ARHGAP10: variants seen among roughly 807,000 people sequenced by gnomAD.
The protein encoded by ARHGAP10 is Rho GTPase activating protein 10.
Under a neutral mutation model 108.6 loss-of-function variants are expected in ARHGAP10, and 87 were observed. The observed-to-expected ratio is 0.80, with a 90% CI of 0.67 to 0.96. The LOEUF is 0.96. Ranked by LOEUF, ARHGAP10 falls within the 40% of genes least tolerant of loss-of-function variation. ARHGAP10 has a pLI of 0.00. For missense variants in ARHGAP10, 939 were observed against 954.5 expected (o/e 0.98, Z 0.21); for synonymous variants, 347 against 341.1 (o/e 1.02, Z -0.19).
intron 10 of ARHGAP10, among the ~76,000 whole-genome samples, chr4:147,884,278 C>G (rs1408212566): frequency 6.6e-6 from 1 of 152,186 alleles, no homozygotes; most frequent in Non-Finnish European, 1.5e-5. Context: ...CTCCACCCCT[C>G]AAAGACATTG....
At chr4:147,922,572 T>C (rs369015038) in intron 13 of ARHGAP10, among the ~76,000 whole-genome samples, 153 of 148,638 alleles carry the variant, frequency 1.0e-3, no homozygotes, top group African/African-American at 2.2e-3. Context: ...CCTGTAGTCC[T>C]AGCTACTTGG....
chr4:147,810,751 G>A (rs887210858), intron 1 of ARHGAP10, among the ~76,000 whole-genome samples: 1 of 152,194 alleles, frequency 6.6e-6, no homozygotes, highest in Non-Finnish European at 1.5e-5. Context: ...AGGGCCCTCA[G>A]TGACTGTCCC....
At chr4:147,803,940 T>C (rs1302101534) in intron 1 of ARHGAP10, among the ~76,000 whole-genome samples, 1 of 152,274 alleles carries the variant, frequency 6.6e-6, no homozygotes, top group East Asian at 1.9e-4. Context: ...TTTCTTTGCC[T>C]TGGATAAATA....
intron 1 of ARHGAP10, among the ~76,000 whole-genome samples, chr4:147,804,699 C>G (rs1408077470): frequency 6.6e-6 from 1 of 152,136 alleles, no homozygotes; most frequent in Non-Finnish European, 1.5e-5. Context: ...GAGATGGTAT[C>G]TCATTGTAGT....
At chr4:147,733,829 T>C (rs948327838) in intron 1 of ARHGAP10, among the ~76,000 whole-genome samples, 5 of 152,228 alleles carry the variant, frequency 3.3e-5, no homozygotes, top group Non-Finnish European at 7.3e-5. Flanking sequence ...TTTGGTTCTC[T>C]GACCTCTTTG....
chr4:147,976,833 A>G (rs931452255), intron 18 of ARHGAP10, among the ~76,000 whole-genome samples: 9 of 152,340 alleles, frequency 5.9e-5, no homozygotes, highest in Admixed American at 4.6e-4. Flanking sequence ...AGTGCCCAGT[A>G]TAGACAAAGC....
chr4:147,970,113 C>T (rs1739350590), intron 18 of ARHGAP10, among the ~76,000 whole-genome samples: 2 of 152,070 alleles, frequency 1.3e-5, no homozygotes. Context: ...CCACTCCTGG[C>T]TCTTTGTTCC....
chr4:147,855,886 A>G (rs1198410197), intron 4 of ARHGAP10, among the ~76,000 whole-genome samples: 2 of 152,168 alleles, frequency 1.3e-5, no homozygotes, highest in African/African-American at 2.4e-5. Flanking sequence ...GTGAAAAAAG[A>G]TAAATAAAAG....
At chr4:148,045,272 T>C (rs1455114110) in intron 19 of ARHGAP10, among the ~76,000 whole-genome samples, 1 of 152,144 alleles carries the variant, frequency 6.6e-6, no homozygotes, top group Non-Finnish European at 1.5e-5. Context: ...CTTGTCTGGA[T>C]TCAGTTGTTC....
chr4:147,901,748 C>G (rs1265799864), intron 10 of ARHGAP10, among the ~76,000 whole-genome samples: 5 of 152,246 alleles, frequency 3.3e-5, no homozygotes, highest in African/African-American at 4.8e-5. Flanking sequence ...AGCCCTTCAT[C>G]ATTCAACAGT....
intron 18 of ARHGAP10, among the ~76,000 whole-genome samples, chr4:147,975,820 A>T (rs778024316): frequency 7.9e-5 from 12 of 152,364 alleles, no homozygotes; most frequent in Non-Finnish European, 1.5e-4. Context: ...GCAGTGTCCA[A>T]TGTAATCACC....
chr4:148,049,832 TGGGGGGGCGGGGGGC>T (rs1472151308), intron 20 of ARHGAP10, among the ~76,000 whole-genome samples: 1 of 17,052 alleles, frequency 5.9e-5, no homozygotes, highest in Non-Finnish European at 1.3e-4. Context: ...TTTTTTTGGG[TGGGGGGGCGGGGGGC>T]GGGGGGCGGG....
intron 18 of ARHGAP10, among the ~76,000 whole-genome samples, chr4:148,012,609 G>A (rs917426942): frequency 6.6e-6 from 1 of 152,150 alleles, no homozygotes; most frequent in African/African-American, 2.4e-5. Flanking sequence ...ATCTACCTGT[G>A]TCCTAATGTG....
intron 16 of ARHGAP10, among the ~76,000 whole-genome samples, chr4:147,964,597 G>C (rs1328558338): frequency 1.3e-5 from 2 of 152,160 alleles, no homozygotes; most frequent in African/African-American, 4.8e-5. Context: ...TATTTTTTGA[G>C]GGGGTTATCC....
At chr4:147,959,242 T>G (rs1332398263) in intron 16 of ARHGAP10, among the ~76,000 whole-genome samples, 3 of 152,148 alleles carry the variant, frequency 2.0e-5, no homozygotes, top group Non-Finnish European at 4.4e-5. Flanking sequence ...TATTTTTTTT[T>G]TTGTTTTTGA....
intron 13 of ARHGAP10, chr4:147,916,465 C>A (rs947754295): frequency 6.6e-6 from 1 of 152,154 alleles, no homozygotes; most frequent in Non-Finnish European, 1.5e-5. Flanking sequence ...TTGCACCAAC[C>A]GGAAAAAGTT....
At chr4:147,850,753 A>G (rs572096868) in intron 4 of ARHGAP10, among the ~76,000 whole-genome samples, 6 of 152,330 alleles carry the variant, frequency 3.9e-5, no homozygotes, top group African/African-American at 1.4e-4. Context: ...ACAACAGGAC[A>G]CAGGTTGTTG....
intron 1 of ARHGAP10, among the ~76,000 whole-genome samples, chr4:147,751,361 AGTT>A (rs959634653): frequency 1.1e-4 from 16 of 151,438 alleles, no homozygotes; most frequent in South Asian, 2.1e-4. Flanking sequence ...AGTAGATAAT[AGTT>A]GTTGTTTTTT....
chr4:147,872,035 G>A (rs967866974), intron 7 of ARHGAP10, among the ~76,000 whole-genome samples: 5 of 150,706 alleles, frequency 3.3e-5, no homozygotes, highest in African/African-American at 9.8e-5. Context: ...CTGGGAGGTC[G>A]AGGCTGCAGT....
Sources: gnomAD v4.1 joint callset for allele counts (sites outside exome capture counted in the v4.1 genomes callset) on GRCh38, gnomAD v4.1.1 for gene constraint, MANE v1.5 for transcripts, NCBI Gene and HGNC (gene_info 2026-07-23, HGNC 2026-07-21) for gene names.